Variants in FIRRM observed in about 807,000 individuals in gnomAD.
The protein encoded by FIRRM is FIGNL1 interacting regulator of recombination and mitosis.
the FIRRM span, among the ~76,000 whole-genome samples, chr1:169,813,282 C>A: frequency 1.3e-5 from 2 of 152,134 alleles, no homozygotes; most frequent in African/African-American, 4.8e-5. Flanking sequence ...GAAAACTGGG[C>A]CACAGAAAGG....
the FIRRM span, chr1:169,807,919 C>A: frequency 1.2e-6 from 2 of 1,602,270 alleles, no homozygotes; most frequent in South Asian, 2.3e-5. Flanking sequence ...ATGACACAGT[C>A]AGATGCACAG....
At chr1:169,821,534 T>C in the FIRRM span, 1 of 486,240 alleles carries the variant, frequency 2.1e-6, no homozygotes, top group South Asian at 4.2e-5. Flanking sequence ...AGAGGAGTTA[T>C]ATTTTCTCGG....
chr1:169,831,781 G>T, the FIRRM span, among the ~76,000 whole-genome samples: 2 of 152,058 alleles, frequency 1.3e-5, no homozygotes, highest in Non-Finnish European at 2.9e-5. Flanking sequence ...TAGAGACAGG[G>T]TCTCATTCTG....
chr1:169,827,798 C>T, the FIRRM span: 20 of 1,614,060 alleles, frequency 1.2e-5, no homozygotes, highest in South Asian at 1.6e-4. Flanking sequence ...GAAGTGCAAA[C>T]CCTGTGGTGC....
At chr1:169,829,331 A>C in the FIRRM span, 1 of 1,613,676 alleles carries the variant, frequency 6.2e-7, no homozygotes, top group Non-Finnish European at 8.5e-7. Context: ...CTACCTGTTC[A>C]TTTACAGGGA....
the FIRRM span, among the ~76,000 whole-genome samples, chr1:169,787,112 A>G: frequency 6.6e-6 from 1 of 152,156 alleles, no homozygotes; most frequent in Admixed American, 6.5e-5. Context: ...GAATGGGGCG[A>G]TAGGGACAGA....
chr1:169,852,964 C>G, the FIRRM span: 1 of 1,613,994 alleles, frequency 6.2e-7, no homozygotes, highest in Non-Finnish European at 8.5e-7. Context: ...TAAGCTAAAA[C>G]GTTACATACA....
the FIRRM span, among the ~76,000 whole-genome samples, chr1:169,842,987 A>G: frequency 1.3e-5 from 2 of 152,246 alleles, no homozygotes; most frequent in African/African-American, 4.8e-5. Context: ...AAGCCAAGTG[A>G]TGATCTAAAA....
chr1:169,812,876 A>G, the FIRRM span, among the ~76,000 whole-genome samples: 1 of 151,962 alleles, frequency 6.6e-6, no homozygotes, highest in Non-Finnish European at 1.5e-5. Context: ...AAAAATGATC[A>G]AAGAAAGGTG....
the FIRRM span, chr1:169,795,311 A>G: frequency 6.9e-7 from 1 of 1,439,064 alleles, no homozygotes; most frequent in Non-Finnish European, 9.3e-7. Context: ...AGGCTGGGTT[A>G]TATTACCGCG....
At chr1:169,810,451 G>A in the FIRRM span, among the ~76,000 whole-genome samples, 58 of 151,714 alleles carry the variant, frequency 3.8e-4, no homozygotes, top group Non-Finnish European at 1.2e-4. Flanking sequence ...CATGTTCTCT[G>A]GAAGGCTTTA....
the FIRRM span, chr1:169,832,279 C>A: frequency 1.8e-6 from 1 of 549,160 alleles, no homozygotes; most frequent in Non-Finnish European, 3.3e-6. Flanking sequence ...AAGAAAAGCC[C>A]CAAATTAAAA....
At chr1:169,811,658 A>G in the FIRRM span, among the ~76,000 whole-genome samples, 1 of 152,130 alleles carries the variant, frequency 6.6e-6, no homozygotes, top group East Asian at 1.9e-4. Context: ...TTGTCTAGAT[A>G]GATAGATAGA....
chr1:169,846,961 C>G, the FIRRM span, among the ~76,000 whole-genome samples: 1 of 152,126 alleles, frequency 6.6e-6, no homozygotes, highest in South Asian at 2.1e-4. Flanking sequence ...TGAGATTATA[C>G]TTTTCACTCG....
the FIRRM span, chr1:169,799,047 G>A: frequency 4.2e-6 from 2 of 475,762 alleles, no homozygotes; most frequent in Non-Finnish European, 7.4e-6. Flanking sequence ...TTACAGTTTT[G>A]TATTCCCTTG....
the FIRRM span, chr1:169,802,546 T>C: frequency 1.0e-6 from 1 of 992,698 alleles, no homozygotes; most frequent in African/African-American, 1.6e-5. Flanking sequence ...GTATTGTGTT[T>C]TCTCTGTAAA....
chr1:169,792,728 C>G, the FIRRM span: 1 of 1,613,826 alleles, frequency 6.2e-7, no homozygotes, highest in Non-Finnish European at 8.5e-7. Flanking sequence ...ATGTGCTTTG[C>G]TGGCCAAAAG....
chr1:169,808,712 G>A, the FIRRM span, among the ~76,000 whole-genome samples: 1 of 151,098 alleles, frequency 6.6e-6, no homozygotes, highest in African/African-American at 2.4e-5. Context: ...TCAAGGGATC[G>A]TTCTGCCTTA....
chr1:169,802,545 T>C, the FIRRM span: 1 of 986,858 alleles, frequency 1.0e-6, no homozygotes, highest in Admixed American at 2.3e-5. Context: ...CGTATTGTGT[T>C]TTCTCTGTAA....
Sources: allele counts gnomAD v4.1 joint callset (sites outside exome capture counted in the v4.1 genomes callset), GRCh38; gene constraint gnomAD v4.1.1; transcripts MANE v1.5; gene names NCBI Gene and HGNC (gene_info 2026-07-23, HGNC 2026-07-21).